SLC35D2: variants seen among roughly 807,000 people sequenced by gnomAD.
SLC35D2 encodes nucleotide sugar transporter SLC35D2.
A neutral mutation model predicts 41.8 loss-of-function variants in SLC35D2; 43 were observed. The observed-to-expected ratio is 1.03, with a 90% CI of 0.81 to 1.33. SLC35D2 has a LOEUF of 1.33. Ranked by LOEUF, SLC35D2 falls within the 40% of genes most tolerant of loss-of-function variation. The probability of loss-of-function intolerance (pLI) is 0.00; values close to 1 mark genes in which losing one functional copy is unlikely to be tolerated. For missense variants in SLC35D2, 380 were observed against 408.4 expected, an observed-to-expected ratio of 0.93 and a Z score of 0.60; for synonymous variants, 150 against 163.9, an observed-to-expected ratio of 0.92 and a Z score of 0.65.
intron 9 of SLC35D2, 116 bp from the exon 10 acceptor site, chr9:96,324,285 C>T (rs1229351362): frequency 2.8e-6 from 2 of 718,784 alleles, no homozygotes; most frequent in Non-Finnish European, 4.6e-6. Context: ...AAAAGAAACA[C>T]ATATCATAAA....
At chr9:96,339,957 A>G (rs1442955393) in intron 8 of SLC35D2, among the ~76,000 whole-genome samples, 3 of 152,244 alleles carry the variant, frequency 2.0e-5, no homozygotes, top group African/African-American at 2.4e-5. Flanking sequence ...AACCAGGGAA[A>G]ATGACTCATC....
At chr9:96,345,442 C>T (rs778469747) in intron 6 of SLC35D2, 41 bp from the exon 7 acceptor site, 2 of 1,231,302 alleles carry the variant, frequency 1.6e-6, no homozygotes, top group Admixed American at 1.9e-5. Flanking sequence ...TACTCAAAAA[C>T]TCACAACTTG....
intron 2 of SLC35D2, among the ~76,000 whole-genome samples, chr9:96,367,557 C>A (rs892927845): frequency 1.3e-5 from 2 of 152,032 alleles, no homozygotes; most frequent in Non-Finnish European, 2.9e-5. Context: ...AAGGTGGGTG[C>A]GGATCGCCTG....
At chr9:96,323,956 C>A (rs1828379258) in intron 10 of SLC35D2, 135 bp downstream of exon 10, 2 of 656,928 alleles carry the variant, frequency 3.0e-6, no homozygotes, top group South Asian at 1.9e-5. Flanking sequence ...TGGGATCACA[C>A]AGGCCGAGCT....
chr9:96,358,100 A>ATATATATATATATATATC (rs1446341463), intron 4 of SLC35D2, among the ~76,000 whole-genome samples: 21 of 126,494 alleles, frequency 1.7e-4, no homozygotes, highest in African/African-American at 6.6e-4. Flanking sequence ...ATATATATAT[A>ATATATATATATATATATC]TATATATACC....
intron 1 of SLC35D2, among the ~76,000 whole-genome samples, chr9:96,368,765 T>TACAC (rs556496513): frequency 1.3e-5 from 2 of 149,814 alleles, no homozygotes; most frequent in African/African-American, 4.9e-5. Flanking sequence ...TATATATATA[T>TACAC]ACACACACAC....
chr9:96,321,978 C>G lies in SLC35D2; in HGVS notation c.914+20G>C. The G allele has an allele frequency of 7.2e-7, 1 of 1,381,012 alleles. No homozygotes were observed. The highest frequency in any genetic ancestry group is 1.0e-6 in the Non-Finnish European group (1 of 972,302). The allele number at this position is 1,381,012 out of a possible 1,614,324, so 85.5% of individuals were successfully genotyped here. ...GGTTCTTGTCTTCCCAAAGCGAGTC[C>G]ATTAAAAATTCCCACTCACCAAATA... On this transcript the variant is annotated intron_variant, in intron 11 of 11. Transcript: ENST00000253270.
intron 6 of SLC35D2, 74 bp from the exon 7 acceptor site, chr9:96,345,475 C>T: frequency 3.7e-6 from 3 of 817,342 alleles, no homozygotes; most frequent in Middle Eastern, 4.4e-4. Flanking sequence ...GCCTGATCTA[C>T]CTTTCCCTAA....
rs1243293612 is a variant in SLC35D2, at chr9:96,373,696, A to C, written c.159-5391T>G. 2.6e-5 allele frequency among the ~76,000 whole-genome samples: 4 copies of C among 152,078 alleles called. No individual in the cohort carries two copies. In the East Asian group the frequency reaches 7.7e-4, roughly 29 times the overall value. ...GAGCAAGACTCTCTCAAAAAAAAAA[A>C]AAAAAACAATTTGAGCTTCTCTTTT... On this transcript the variant is annotated intron_variant, in intron 1 of 11. Transcript: ENST00000253270.
At chr9:96,341,867 T>C (rs1400321429) in intron 8 of SLC35D2, among the ~76,000 whole-genome samples, 1 of 152,106 alleles carries the variant, frequency 6.6e-6, no homozygotes, top group African/African-American at 2.4e-5. Flanking sequence ...GTTGTTGCCA[T>C]GGGGAAATAT....
chr9:96,364,728 A>G, intron 2 of SLC35D2, among the ~76,000 whole-genome samples, 178 bp from the exon 3 acceptor site: 1 of 152,130 alleles, frequency 6.6e-6, no homozygotes, highest in Non-Finnish European at 1.5e-5. Context: ...TCCTTGCCAC[A>G]GTACAGATTC....
intron 10 of SLC35D2, 33 bp downstream of exon 10, chr9:96,324,058 C>A (rs773417700): frequency 1.8e-5 from 28 of 1,572,266 alleles, no homozygotes; most frequent in Non-Finnish European, 2.5e-5. Context: ...TTCCTTGACT[C>A]AGTTGTTCCC....
At chr9:96,379,052 C>A (rs1053461681) in intron 1 of SLC35D2, among the ~76,000 whole-genome samples, 3 of 152,010 alleles carry the variant, frequency 2.0e-5, no homozygotes, top group Non-Finnish European at 4.4e-5. Context: ...AATCCCAGCC[C>A]TTCAAGGGGC....
At chr9:96,315,758 T>C (rs1828037906), downstream of SLC35D2, among the ~76,000 whole-genome samples, 3 of 152,058 alleles carry the variant, frequency 2.0e-5, no homozygotes. Flanking sequence ...TTTTATGCCA[T>C]GGACCACAAT....
chr9:96,325,583 T>A (rs1385733280), intron 9 of SLC35D2, among the ~76,000 whole-genome samples: 1 of 152,142 alleles, frequency 6.6e-6, no homozygotes, highest in Non-Finnish European at 1.5e-5. Context: ...CTCGGGAGGA[T>A]GAAGCAGGAG....
chr9:96,337,980 T>G (rs1001177466), intron 8 of SLC35D2, among the ~76,000 whole-genome samples: 4 of 31,912 alleles, frequency 1.3e-4, no homozygotes, highest in African/African-American at 5.5e-4. Flanking sequence ...AAACTCCACC[T>G]CAAAAAAAAA....
At chr9:96,355,520 C>T (rs113669583) in intron 4 of SLC35D2, among the ~76,000 whole-genome samples, 3,424 of 149,818 alleles carry the variant, frequency 0.023, 132 homozygotes, top group African/African-American at 0.081. Context: ...TTTTTTGAGA[C>T]GGAGTTTCGC....
At chr9:96,323,081 A>C (rs10126039) in intron 10 of SLC35D2, among the ~76,000 whole-genome samples, 26,861 of 149,964 alleles carry the variant, frequency 0.18, 2,636 homozygotes, top group East Asian at 0.28. Context: ...TGTGGACACA[A>C]CAGGGCCAAG....
intron 1 of SLC35D2, among the ~76,000 whole-genome samples, chr9:96,379,323 A>G (rs983532500): frequency 1.3e-5 from 2 of 151,400 alleles, no homozygotes; most frequent in Non-Finnish European, 2.9e-5. Context: ...AAAAAAAAAT[A>G]AGACATAACC....
Sources: allele counts gnomAD v4.1 joint callset (sites outside exome capture counted in the v4.1 genomes callset), GRCh38; gene constraint gnomAD v4.1.1; transcripts MANE v1.5; gene names NCBI Gene and HGNC (gene_info 2026-07-23, HGNC 2026-07-21).